The following ELK3 variants were observed in gnomAD, a reference collection of about 807,000 sequenced individuals.
ELK3 encodes the protein ETS transcription factor ELK3, also known as ETS domain-containing protein Elk-3.
ELK3 carries 10 observed loss-of-function variants against 28.9 expected under a neutral mutation model. That is an observed-to-expected ratio of 0.35 (90% CI 0.21 to 0.59). ELK3 has a LOEUF of 0.59. Ranked by LOEUF, ELK3 falls within the 20% of genes least tolerant of loss-of-function variation. ELK3 has a pLI of 0.82. For synonymous variants in ELK3, 272 were observed against 243.5 expected, an observed-to-expected ratio of 1.12 and a Z score of -1.09; for missense variants, 463 against 517.3, an observed-to-expected ratio of 0.90 and a Z score of 1.02.
chr12:96,195,330 C>T (rs1005581775), intron 1 of ELK3, among the ~76,000 whole-genome samples: 1 of 152,148 alleles, frequency 6.6e-6, no homozygotes, highest in Non-Finnish European at 1.5e-5. Flanking sequence ...CCCAGGTCAC[C>T]GCCCCAGGCG....
intron 3 of ELK3, among the ~76,000 whole-genome samples, chr12:96,251,828 A>G (rs1293008554): frequency 1.3e-5 from 2 of 152,232 alleles, no homozygotes; most frequent in African/African-American, 4.8e-5. Context: ...GTTTAAAGAA[A>G]AAAGCCATCT....
rs765556712 is a variant in ELK3 at position 96,194,591 on chromosome 12, G to A, written c.-117G>A. 2 of 149,796 alleles carry A rather than the reference G, an allele frequency of 1.3e-5. No individual in the cohort carries two copies. The highest frequency in any genetic ancestry group is 3.0e-5 in the Non-Finnish European group (2 of 67,308). 9.3% of individuals were successfully genotyped at this position (149,796 alleles called of 1,614,324 possible). ...AAAGAAAAAAAGGGGGAAAAATCAG[G>A]ATCTCATTACAAGAGCCACAGACCG... On this transcript the variant is annotated 5_prime_UTR_variant, in exon 1 of 5. Coordinates refer to ENST00000228741, the MANE Select transcript of ELK3 (RefSeq NM_005230.4).
intron 2 of ELK3, 136 bp downstream of exon 2, chr12:96,223,909 T>G: frequency 1.1e-6 from 1 of 883,632 alleles, no homozygotes. Context: ...ACCTTCTTTT[T>G]GGAGAAAAGC....
rs113949362 is a variant in ELK3, at chr12:96,214,455, CAAAA to C, written c.-2-9102_-2-9099del. Among the ~76,000 whole-genome samples the C allele has an allele frequency of 1.9e-3, 259 of 139,430 alleles. 1 individual carries two copies. The highest frequency in any genetic ancestry group is 5.1e-3 in the African/African-American group (192 of 37,830). 91.5% of individuals were successfully genotyped at this position (139,430 alleles called of 152,430 possible). On this transcript the variant is annotated intron_variant, in intron 1 of 4. Coordinates refer to ENST00000228741, the MANE Select transcript of ELK3 (RefSeq NM_005230.4). ...CAAAAAACAAAACAAAACAAACAAACAAAAAAAAAAACAGCAAAAACCATTGCAG... is the reference window on the plus strand; with the variant it reads ...CAAAAAACAAAACAAAACAAACAAACAAAAAAACAGCAAAAACCATTGCAG...
chr12:96,208,970 C>T (rs1211063434), intron 1 of ELK3, among the ~76,000 whole-genome samples: 2 of 152,200 alleles, frequency 1.3e-5, no homozygotes, highest in African/African-American at 2.4e-5. Context: ...GTGCAGACTT[C>T]CCGGTCCCCA....
At chr12:96,250,159 A>AGGG (rs1951892471) in intron 3 of ELK3, among the ~76,000 whole-genome samples, 1 of 152,144 alleles carries the variant, frequency 6.6e-6, no homozygotes, top group South Asian at 2.1e-4. Flanking sequence ...CGCAAAACTA[A>AGGG]GGGGGTCACC....
intron 1 of ELK3, among the ~76,000 whole-genome samples, chr12:96,206,131 A>T (rs906864767): frequency 8.5e-5 from 13 of 152,136 alleles, no homozygotes; most frequent in African/African-American, 3.1e-4. Context: ...ATCTTCCTTC[A>T]GCCTCTGCCA....
At chr12:96,222,044 T>A (rs1951665672) in intron 1 of ELK3, among the ~76,000 whole-genome samples, 3 of 152,054 alleles carry the variant, frequency 2.0e-5, no homozygotes, top group African/African-American at 7.3e-5. Flanking sequence ...CTCCCTCCTA[T>A]CCAAGGGGAT....
At chr12:96,195,523 A>G (rs1374883952) in intron 1 of ELK3, among the ~76,000 whole-genome samples, 1 of 152,202 alleles carries the variant, frequency 6.6e-6, no homozygotes, top group East Asian at 1.9e-4. Flanking sequence ...TGGAGTAGTT[A>G]AAAAGCAAAA....
chr12:96,223,310 G>A (rs939630066), intron 1 of ELK3, among the ~76,000 whole-genome samples: 4 of 152,196 alleles, frequency 2.6e-5, no homozygotes, highest in Non-Finnish European at 5.9e-5. Flanking sequence ...GCTGTCACTC[G>A]TGGGGACATG....
At chr12:96,207,129 G>C (rs1951542980) in intron 1 of ELK3, among the ~76,000 whole-genome samples, 1 of 152,148 alleles carries the variant, frequency 6.6e-6, no homozygotes, top group Non-Finnish European at 1.5e-5. Flanking sequence ...CTACAAGTCG[G>C]GTTTGGTTTA....
intron 2 of ELK3, among the ~76,000 whole-genome samples, chr12:96,224,304 A>G (rs920190811): frequency 4.6e-5 from 7 of 152,056 alleles, no homozygotes; most frequent in African/African-American, 1.7e-4. Context: ...GAGCCATTAC[A>G]TGTAAGTACT....
chr12:96,204,870 C>T (rs1005748043), intron 1 of ELK3, among the ~76,000 whole-genome samples: 1 of 152,252 alleles, frequency 6.6e-6, no homozygotes, highest in Non-Finnish European at 1.5e-5. Context: ...CCCTCTTCAT[C>T]CCCTTATTGG....
intron 2 of ELK3, among the ~76,000 whole-genome samples, chr12:96,227,783 A>G (rs988740734): frequency 1.3e-5 from 2 of 152,200 alleles, no homozygotes; most frequent in Admixed American, 6.5e-5. Context: ...ATCCAGCTCC[A>G]TGACTGTGGC....
At chr12:96,237,860 C>T (rs1052231125) in intron 2 of ELK3, among the ~76,000 whole-genome samples, 2 of 152,246 alleles carry the variant, frequency 1.3e-5, no homozygotes, top group African/African-American at 4.8e-5. Flanking sequence ...ACTACTTGTT[C>T]TAACTTTGGA....
rs574416087 is a variant in ELK3 at position 96,206,469 on chromosome 12, A to G, written c.-3+11764A>G. On this transcript the variant is annotated intron_variant, in intron 1 of 4. Transcript: ENST00000228741. The stretch of plus-strand genomic sequence containing the variant: ...GCAGCTGGAACTATAGGTGTGCGCC[A>G]CCATGCCCAGCTAATTTTTGTATTT... 7.9e-5 allele frequency among the ~76,000 whole-genome samples: 12 copies of G among 152,212 alleles called. No homozygotes were observed. In the East Asian group the frequency reaches 2.1e-3, roughly 27 times the overall value.
At chr12:96,210,597 A>ACACACACACACCCC in intron 1 of ELK3, among the ~76,000 whole-genome samples, 1 of 148,958 alleles carries the variant, frequency 6.7e-6, no homozygotes, top group Non-Finnish European at 1.5e-5. Flanking sequence ...ACACACACAC[A>ACACACACACACCCC]CCCCGAGTGG....
Position 96,247,105 on chromosome 12 carries a change from G to T in ELK3, c.373G>T (p.Gly125Cys). The change falls in exon 3 of 5, where the codon GGC becomes TGC. Residue 125 changes from glycine (G) to cysteine (C), a missense_variant. Transcript: ENST00000228741. The surrounding 1 kb of genome is among the most constrained non-coding windows in gnomAD (Gnocchi z 5.5). ...GGAGGGCCGCGAGGCCCACAAACAC[G>T]GCCTGGCCGCCCTCAGAAGCACGAG... ...SPEGREAHKH[G>C]LAALRSTSRN... 1 of 1,613,438 alleles carries T rather than the reference G, an allele frequency of 6.2e-7. No homozygotes were observed. The highest frequency in any genetic ancestry group is 8.5e-7 in the Non-Finnish European group (1 of 1,179,812).
chr12:96,246,883 T>C, intron 2 of ELK3, 57 bp from the exon 3 acceptor site: 1 of 1,506,216 alleles, frequency 6.6e-7, no homozygotes, highest in Non-Finnish European at 8.9e-7. Context: ...TATCATGAGC[T>C]CTTACATGGT....
Sources: gnomAD v4.1 joint callset for allele counts (sites outside exome capture counted in the v4.1 genomes callset) on GRCh38, gnomAD v4.1.1 for gene constraint, Gnocchi (gnomAD v3.1) non-coding constraint, MANE v1.5 for transcripts, NCBI Gene and HGNC (gene_info 2026-07-23, HGNC 2026-07-21) for gene names.